The following HDAC9 variants were observed in gnomAD, a reference collection of about 807,000 sequenced individuals.
The protein encoded by HDAC9 is MEF-2 interacting transcription repressor (MITR) protein.
HDAC9 carries 41 observed loss-of-function variants against 139.4 expected under a neutral mutation model. That is an observed-to-expected ratio of 0.29 (90% confidence interval 0.23 to 0.38). The LOEUF (loss-of-function observed/expected upper bound fraction) is 0.38. Among genes scored for constraint, HDAC9 ranks in the 10% least tolerant of loss-of-function variants. The pLI is 1.00. For synonymous variants in HDAC9, 517 were observed against 476.2 expected (o/e 1.09, Z -1.12); for missense variants, 1,147 against 1,297.0 (o/e 0.88, Z 1.78).
chr7:18,867,144 T>C (rs1017539223), intron 21 of HDAC9, among the ~76,000 whole-genome samples: 2 of 152,160 alleles, frequency 1.3e-5, no homozygotes, highest in Non-Finnish European at 2.9e-5. Flanking sequence ...TCACCAGGGG[T>C]GGAGACATGC....
intron 17 of HDAC9, among the ~76,000 whole-genome samples, chr7:18,825,968 A>G (rs62448068): frequency 0.07 from 10,529 of 151,212 alleles, 761 homozygotes; most frequent in African/African-American, 0.19. Flanking sequence ...TACAATGTCT[A>G]TAATTTGGAG....
At chr7:18,809,373 G>A (rs1253185934) in intron 17 of HDAC9, among the ~76,000 whole-genome samples, 1 of 151,888 alleles carries the variant, frequency 6.6e-6, no homozygotes, top group African/African-American at 2.4e-5. Context: ...GCATAGCAAA[G>A]AAAACAATCG....
intron 2 of HDAC9, among the ~76,000 whole-genome samples, chr7:18,192,001 T>C (rs928308584): frequency 3.9e-4 from 60 of 152,164 alleles, no homozygotes; most frequent in Admixed American, 3.3e-4. Context: ...TCCCCAGCTA[T>C]GTGCTAGAAA....
intron 1 of HDAC9, among the ~76,000 whole-genome samples, chr7:18,408,103 T>C (rs1029627131): frequency 6.6e-6 from 1 of 152,170 alleles, no homozygotes; most frequent in Non-Finnish European, 1.5e-5. Context: ...GCAAAGTTGG[T>C]ACTCAATAAG....
At chr7:18,744,023 T>G (rs1028329817) in intron 13 of HDAC9, among the ~76,000 whole-genome samples, 5 of 148,700 alleles carry the variant, frequency 3.4e-5, no homozygotes, top group Non-Finnish European at 7.4e-5. Context: ...TTTTTTTTTT[T>G]TTTTTTTTTT....
At chr7:18,985,020 A>T (rs1785220593) in intron 25 of HDAC9, among the ~76,000 whole-genome samples, 1 of 151,998 alleles carries the variant, frequency 6.6e-6, no homozygotes, top group Non-Finnish European at 1.5e-5. Flanking sequence ...TTACACAGGA[A>T]GTCTGTACTG....
intron 2 of HDAC9, among the ~76,000 whole-genome samples, chr7:18,170,013 T>C (rs1788300508): frequency 6.6e-6 from 1 of 152,244 alleles, no homozygotes; most frequent in African/African-American, 2.4e-5. Context: ...CTTCTAGTTC[T>C]AGATCCTTGA....
chr7:18,689,228 TTCCA>T, intron 12 of HDAC9, among the ~76,000 whole-genome samples: 1 of 151,408 alleles, frequency 6.6e-6, no homozygotes, highest in African/African-American at 2.4e-5. Context: ...TTATTGCAAC[TTCCA>T]AATGAATACA....
chr7:18,244,242 G>A (rs1794372794), intron 2 of HDAC9, among the ~76,000 whole-genome samples: 2 of 152,080 alleles, frequency 1.3e-5, no homozygotes, highest in African/African-American at 2.4e-5. Flanking sequence ...AAAAACTGGA[G>A]TTCTAGTCAT....
At chr7:18,299,478 G>A (rs749999979) in intron 1 of HDAC9, among the ~76,000 whole-genome samples, 1 of 152,164 alleles carries the variant, frequency 6.6e-6, no homozygotes. Flanking sequence ...CTTTACTGGC[G>A]AGGGTACTTT....
At chr7:18,793,278 CCT>C in intron 16 of HDAC9, 65 bp from the exon 17 acceptor site, 1 of 1,090,600 alleles carries the variant, frequency 9.2e-7, no homozygotes, top group Non-Finnish European at 1.4e-6. Flanking sequence ...CCCTTTTACC[CCT>C]TTCATCTCTT....
intron 12 of HDAC9, among the ~76,000 whole-genome samples, chr7:18,704,988 A>C (rs1043156089): frequency 6.6e-6 from 1 of 152,228 alleles, no homozygotes; most frequent in African/African-American, 2.4e-5. Context: ...CACACATACG[A>C]TTTTTAACTT....
intron 6 of HDAC9, among the ~76,000 whole-genome samples, chr7:18,613,069 A>AAT (rs961627304): frequency 8.4e-4 from 124 of 148,306 alleles, no homozygotes; most frequent in Middle Eastern, 3.6e-3. Flanking sequence ...TAATAGACTG[A>AAT]ATAATAGATA....
At position 18,996,399 on chromosome 7, in the gene HDAC9, A is replaced by C. The variant is rs1786465819; in HGVS notation, c.*337A>C. ...TTCAGTACAGCACTAGATATTGTTA[A>C]TTTCAGAAGCTATGACAGCCAGTGA... On this transcript the variant is annotated 3_prime_UTR_variant, in exon 26 of 26. Coordinates refer to ENST00000686413, the MANE Select transcript of HDAC9 (RefSeq NM_178425.4). 1 of 181,438 alleles carries C rather than the reference A, an allele frequency of 5.5e-6. No homozygotes were observed. Among genetic ancestry groups the C allele is most frequent in the Admixed American group, 5.8e-5 (1 of 17,330 alleles). The allele number at this position is 181,438 out of a possible 1,614,324, so 11.2% of individuals were successfully genotyped here. A position where few individuals can be genotyped will look rare whatever the true frequency, so the allele number is the denominator to read the frequency against.
intron 2 of HDAC9, among the ~76,000 whole-genome samples, chr7:18,574,060 C>G (rs977424030): frequency 6.6e-6 from 1 of 152,246 alleles, no homozygotes; most frequent in Admixed American, 6.5e-5. Flanking sequence ...CTGAGCAAAG[C>G]GAAGAGGAGC....
chr7:18,473,062 C>A (rs1204060225), intron 1 of HDAC9, among the ~76,000 whole-genome samples: 2 of 152,232 alleles, frequency 1.3e-5, no homozygotes, highest in Admixed American at 6.5e-5. Context: ...CAGCAATCAG[C>A]ATTTTTCAGA....
chr7:18,226,188 C>G (rs969873228), intron 2 of HDAC9, among the ~76,000 whole-genome samples: 7 of 152,078 alleles, frequency 4.6e-5, no homozygotes, highest in African/African-American at 7.2e-5. Context: ...TAAACTAACC[C>G]AAAATACCAC....
At chr7:18,176,734 A>G (rs943796813) in intron 2 of HDAC9, among the ~76,000 whole-genome samples, 1 of 152,122 alleles carries the variant, frequency 6.6e-6, no homozygotes, top group African/African-American at 2.4e-5. Context: ...TGGTGTACAG[A>G]TTATTTCATC....
chr7:18,735,054 C>T (rs1428402794), intron 13 of HDAC9, among the ~76,000 whole-genome samples: 1 of 152,204 alleles, frequency 6.6e-6, no homozygotes, highest in African/African-American at 2.4e-5. Context: ...AGTGTCTGTT[C>T]ATATCCTTCA....
Sources: allele counts gnomAD v4.1 joint callset (sites outside exome capture counted in the v4.1 genomes callset), GRCh38; gene constraint gnomAD v4.1.1; transcripts MANE v1.5; gene names NCBI Gene and HGNC (gene_info 2026-07-23, HGNC 2026-07-21).